PDE4B: variants seen among roughly 807,000 people sequenced by gnomAD.
The protein encoded by PDE4B is 3',5'-cyclic-AMP phosphodiesterase 4B.
A neutral mutation model predicts 82.2 loss-of-function variants in PDE4B; 20 were observed. The ratio of observed to expected loss-of-function variants is 0.24; its 90% CI spans 0.17 to 0.35. PDE4B has a LOEUF of 0.35. Ranked by LOEUF, PDE4B falls within the 10% of genes least tolerant of loss-of-function variation. The pLI is 1.00. For missense variants in PDE4B, 655 were observed against 907.2 expected (o/e 0.72, Z 3.57); for synonymous variants, 320 against 318.9 (o/e 1.00, Z -0.04).
At chr1:66,069,355 T>A (rs2100922035) in intron 3 of PDE4B, among the ~76,000 whole-genome samples, 1 of 152,140 alleles carries the variant, frequency 6.6e-6, no homozygotes, top group African/African-American at 2.4e-5. Context: ...CCTTGACTTA[T>A]CTCTGTAGGA....
chr1:66,301,512 G>A (rs1657895578), intron 7 of PDE4B, among the ~76,000 whole-genome samples: 1 of 151,728 alleles, frequency 6.6e-6, no homozygotes, highest in Non-Finnish European at 1.5e-5. Context: ...AAGGCTATAA[G>A]CAGGAAAGCA....
At chr1:66,081,573 T>C (rs910476590) in intron 3 of PDE4B, among the ~76,000 whole-genome samples, 5 of 152,146 alleles carry the variant, frequency 3.3e-5, no homozygotes, top group African/African-American at 9.7e-5. Context: ...TAAAGAAAAT[T>C]CTATGTATGG....
chr1:66,155,602 T>C (rs1242020330), intron 3 of PDE4B, among the ~76,000 whole-genome samples: 1 of 151,326 alleles, frequency 6.6e-6, no homozygotes, highest in East Asian at 1.9e-4. Flanking sequence ...ATTTTTTATA[T>C]ATACATATTT....
rs10654385 is a variant in PDE4B at position 66,139,735 on chromosome 1, C to CAAAAAA, written c.282-107713_282-107708dup. 7.5e-4 allele frequency among the ~76,000 whole-genome samples: 75 copies of CAAAAAA among 99,876 alleles called. 2 individuals are homozygous for CAAAAAA. Among genetic ancestry groups the CAAAAAA allele is most frequent in the Non-Finnish European group, 1.0e-3 (48 of 47,318 alleles). The allele number at this position is 99,876 out of a possible 152,430, so 65.5% of individuals were successfully genotyped here. A position where few individuals can be genotyped will look rare whatever the true frequency, so the allele number is the denominator to read the frequency against. On this transcript the variant is annotated intron_variant, in intron 3 of 16. Coordinates refer to ENST00000341517, the MANE Select transcript of PDE4B (RefSeq NM_002600.4). ...ACTTAAATAATTCCCCCTCCCCCCT[C>CAAAAAA]AAAAAAAAAAAAAAAAACAAAAAAC...
intron 1 of PDE4B, among the ~76,000 whole-genome samples, chr1:65,907,299 A>G (rs934218231): frequency 3.3e-5 from 5 of 152,168 alleles, no homozygotes; most frequent in African/African-American, 7.2e-5. Flanking sequence ...TTTATGTATC[A>G]AATTCTGATA....
chr1:66,216,543 C>T lies in PDE4B; in HGVS notation c.282-30917C>T, dbSNP rs181484868. On this transcript the variant is annotated intron_variant, in intron 3 of 16. Coordinates refer to ENST00000341517, the MANE Select transcript of PDE4B (RefSeq NM_002600.4). ...TGGACTCATTTTCAGTAGACCTAGC[C>T]AAACAGTCTTTAAATGAACATATTA... Among the ~76,000 whole-genome samples, 654 of 152,170 alleles carry T rather than the reference C, an allele frequency of 4.3e-3. 4 individuals are homozygous for T. The highest frequency in any genetic ancestry group is 0.017 in the South Asian group (80 of 4,832).
chr1:66,226,713 T>G (rs1388819144), intron 3 of PDE4B, among the ~76,000 whole-genome samples: 2 of 152,262 alleles, frequency 1.3e-5, no homozygotes, highest in Non-Finnish European at 2.9e-5. Context: ...GTGGAAATTC[T>G]TATAGGCTAT....
chr1:66,284,729 G>A (rs1221150136), intron 7 of PDE4B, among the ~76,000 whole-genome samples: 4 of 152,142 alleles, frequency 2.6e-5, no homozygotes, highest in Non-Finnish European at 4.4e-5. Context: ...TGGAATGAAA[G>A]TCACCCTAGG....
Position 66,080,112 on chromosome 1 carries a change from C to T in PDE4B, c.281+161277C>T, listed in dbSNP as rs558860811. Among the ~76,000 whole-genome samples, 13 of 152,152 alleles carry T rather than the reference C, an allele frequency of 8.5e-5. No individual in the cohort carries two copies. The South Asian group carries it at 2.5e-3, about 29-fold the overall frequency. On this transcript the variant is annotated intron_variant, in intron 3 of 16. Transcript: ENST00000341517. ...GAATACCAATATTTTAAAAATTATT[C>T]TTTAGGATTTCGTTTCATTGGCACA...
intron 3 of PDE4B, among the ~76,000 whole-genome samples, chr1:66,155,102 C>G (rs1646476638): frequency 1.3e-5 from 2 of 152,114 alleles, no homozygotes; most frequent in Admixed American, 1.3e-4. Context: ...GCACTCCTGC[C>G]TGGGAAACAG....
intron 3 of PDE4B, among the ~76,000 whole-genome samples, chr1:65,997,805 T>C (rs896498260): frequency 2.0e-5 from 3 of 152,206 alleles, no homozygotes; most frequent in Non-Finnish European, 4.4e-5. Flanking sequence ...GACAAACTTA[T>C]GCAATAATAA....
intron 1 of PDE4B, among the ~76,000 whole-genome samples, chr1:65,842,109 G>A (rs561340143): frequency 6.6e-5 from 10 of 152,160 alleles, no homozygotes; most frequent in African/African-American, 1.2e-4. Context: ...GGTTTTAAGC[G>A]AAATAGATCA....
At chr1:66,059,050 C>T (rs570384101) in intron 3 of PDE4B, among the ~76,000 whole-genome samples, 57 of 152,270 alleles carry the variant, frequency 3.7e-4, no homozygotes, top group African/African-American at 1.3e-3. Context: ...TTGAATGTTT[C>T]GCTGCTTAGA....
At chr1:65,810,864 G>A (rs1645810978) in intron 1 of PDE4B, among the ~76,000 whole-genome samples, 1 of 152,040 alleles carries the variant, frequency 6.6e-6, no homozygotes, top group South Asian at 2.1e-4. Flanking sequence ...AGTTAATGTG[G>A]AGGATCTACT....
intron 3 of PDE4B, among the ~76,000 whole-genome samples, chr1:66,200,809 C>T (rs1648849413): frequency 1.3e-5 from 2 of 152,156 alleles, no homozygotes; most frequent in Non-Finnish European, 1.5e-5. Flanking sequence ...GAATTTACTT[C>T]CTCTTTTCCT....
chr1:66,087,555 A>G (rs147412642), intron 3 of PDE4B, among the ~76,000 whole-genome samples: 116 of 152,192 alleles, frequency 7.6e-4, no homozygotes, highest in African/African-American at 2.5e-3. Flanking sequence ...TGTTTTAGAC[A>G]TGAAGTCCTT....
At chr1:66,289,233 T>C (rs2101805699) in intron 7 of PDE4B, among the ~76,000 whole-genome samples, 1 of 152,208 alleles carries the variant, frequency 6.6e-6, no homozygotes, top group Non-Finnish European at 1.5e-5. Context: ...GTGTCTCTGC[T>C]TTCCAACCTG....
At chr1:66,246,422 A>G (rs57296320) in intron 3 of PDE4B, among the ~76,000 whole-genome samples, 2,787 of 152,308 alleles carry the variant, frequency 0.018, 74 homozygotes, top group African/African-American at 0.062. Context: ...TCTAATTTGA[A>G]AAAAGGAGCA....
intron 16 of PDE4B, among the ~76,000 whole-genome samples, chr1:66,370,547 C>T (rs1022732025): frequency 3.3e-5 from 5 of 152,140 alleles, no homozygotes; most frequent in East Asian, 1.9e-4. Context: ...GCCATGACAT[C>T]GTTATCCACT....
Sources: allele counts gnomAD v4.1 joint callset (sites outside exome capture counted in the v4.1 genomes callset), GRCh38; gene constraint gnomAD v4.1.1; transcripts MANE v1.5; gene names NCBI Gene and HGNC (gene_info 2026-07-23, HGNC 2026-07-21).